The following LPCAT1 variants were observed in gnomAD, a reference collection of about 807,000 sequenced individuals.
LPCAT1 encodes 1-acylglycerol-3-phosphate O-acyltransferase.
LPCAT1 carries 23 observed loss-of-function variants against 60.9 expected under a neutral mutation model. That is an observed-to-expected ratio of 0.38 (90% CI 0.27 to 0.53). The LOEUF is 0.53. Among genes scored for constraint, LPCAT1 ranks in the 20% least tolerant of loss-of-function variants. LPCAT1 has a pLI of 0.82. For missense variants in LPCAT1, 622 were observed against 723.6 expected (o/e 0.86, Z 1.61); for synonymous variants, 340 against 301.1 (o/e 1.13, Z -1.34).
rs1735140740 is a variant in LPCAT1 at position 1,481,487 on chromosome 5, C to T, written c.727-511G>A. On this transcript the variant is annotated intron_variant, in intron 6 of 13. Coordinates refer to ENST00000283415, the MANE Select transcript of LPCAT1 (RefSeq NM_024830.5). The surrounding 1 kb of genome is among the most constrained non-coding windows in gnomAD (Gnocchi z 7.8). ...CCCGGGTGCTCTGAAGTCCCATCTT[C>T]AGCCTCAGTGCCGCCGGGCAGGGAC... Among the ~76,000 whole-genome samples the T allele has an allele frequency of 6.6e-6, 1 of 152,282 alleles. No individual in the cohort carries two copies.
Position 1,477,307 on chromosome 5 carries a change from C to T in LPCAT1, c.899+97G>A. On this transcript the variant is annotated intron_variant, in intron 9 of 13. Transcript: ENST00000283415. This position sits in a 1 kb window ranked among gnomAD's most constrained non-coding sequence, Gnocchi z 6.0. The stretch of plus-strand genomic sequence containing the variant: ...TGGTTCCCGCACTTCTGCAAGAATG[C>T]CTTTTCCTAACGCTGTTGCCTATTT... 2.0e-6 allele frequency: 2 copies of T among 1,001,630 alleles called. No homozygotes were observed. The highest frequency in any genetic ancestry group is 2.4e-5 in the East Asian group (1 of 41,508). 62.0% of individuals were successfully genotyped at this position (1,001,630 alleles called of 1,614,324 possible).
In LPCAT1 at chr5:1,492,962, G is replaced by C. The variant is rs192368833; in HGVS notation, c.493+1738C>G. Reference sequence around the variant, plus strand: ...ACGACCATGGGCCTTTGCCACAGTGGGGGGGCAAATGTGGTTTCCTGGGTA... The same window carrying C: ...ACGACCATGGGCCTTTGCCACAGTGCGGGGGCAAATGTGGTTTCCTGGGTA... On this transcript the variant is annotated intron_variant, in intron 3 of 13. Transcript: ENST00000283415. 1.1e-4 allele frequency among the ~76,000 whole-genome samples: 17 copies of C among 152,356 alleles called. No homozygotes were observed. The East Asian group carries it at 1.7e-3, about 16-fold the overall frequency.
intron 3 of LPCAT1, 52 bp from the exon 4 acceptor site, chr5:1,489,910 G>T: frequency 7.6e-7 from 1 of 1,321,876 alleles, no homozygotes; most frequent in African/African-American, 1.4e-5. Flanking sequence ...CTCCCGCCAG[G>T]CAGGGCTGAG....
intron 12 of LPCAT1, among the ~76,000 whole-genome samples, chr5:1,468,113 C>T (rs1279333500): frequency 6.6e-6 from 1 of 152,188 alleles, no homozygotes; most frequent in African/African-American, 2.4e-5. Flanking sequence ...GCCTTCCGGC[C>T]TGGCAAGCTG....
At chr5:1,506,537 G>GC (rs968663755) in intron 1 of LPCAT1, among the ~76,000 whole-genome samples, 6 of 152,220 alleles carry the variant, frequency 3.9e-5, no homozygotes, top group African/African-American at 1.4e-4. Flanking sequence ...ATGGACTCTA[G>GC]CCCCCCAGGA....
intron 1 of LPCAT1, among the ~76,000 whole-genome samples, chr5:1,513,063 G>C (rs931089519): frequency 6.6e-6 from 1 of 152,206 alleles, no homozygotes; most frequent in East Asian, 1.9e-4. Context: ...CACGGAGGGA[G>C]GGCCCAGGCA....
chr5:1,468,893 G>A (rs1222378623), intron 12 of LPCAT1, among the ~76,000 whole-genome samples: 1 of 152,226 alleles, frequency 6.6e-6, no homozygotes, highest in Non-Finnish European at 1.5e-5. Context: ...ACACGAGACT[G>A]CTCCGTGGAA....
Position 1,483,339 on chromosome 5 carries a change from GAC to G in LPCAT1, c.726+87_726+88del, listed in dbSNP as rs1735235073. On this transcript the variant is annotated intron_variant, in intron 6 of 13. Transcript: ENST00000283415. The surrounding 1 kb of genome is among the most constrained non-coding windows in gnomAD (Gnocchi z 9.2). ...GTGGCGCAGATAAAGGGTGTGGAGA[GAC>G]AGAGACACAGGTGCACAGAGGCAGC... 2.2e-6 allele frequency: 3 copies of G among 1,339,670 alleles called. No individual in the cohort carries two copies. The highest frequency in any genetic ancestry group is 4.6e-5 in the East Asian group (2 of 43,534). 83.0% of individuals were successfully genotyped at this position (1,339,670 alleles called of 1,614,324 possible). A position where few individuals can be genotyped will look rare whatever the true frequency, so the allele number is the denominator to read the frequency against.
chr5:1,469,121 C>A (rs551729671), intron 12 of LPCAT1, among the ~76,000 whole-genome samples: 1 of 152,296 alleles, frequency 6.6e-6, no homozygotes, highest in East Asian at 1.9e-4. Context: ...ACCCTGGTGT[C>A]GCCGTGGGGA....
At chr5:1,506,272 T>G (rs1736184283) in intron 1 of LPCAT1, among the ~76,000 whole-genome samples, 1 of 152,194 alleles carries the variant, frequency 6.6e-6, no homozygotes, top group African/African-American at 2.4e-5. Context: ...TCTCCACCGA[T>G]CTGCCTTCAC....
In LPCAT1 at chr5:1,502,286, C is replaced by A. The variant is rs1736045994; in HGVS notation, c.136-683G>T. 6.6e-6 allele frequency among the ~76,000 whole-genome samples: 1 copy of A among 152,184 alleles called. No individual in the cohort carries two copies. Among genetic ancestry groups the A allele is most frequent in the African/African-American group, 2.4e-5 (1 of 41,438 alleles). ...GCCCCCCAGGACACACCCCCAGCCC[C>A]GCAGGCCTCACTCAGCAGTTTCCCC... On this transcript the variant is annotated intron_variant, in intron 1 of 13. Coordinates refer to ENST00000283415, the MANE Select transcript of LPCAT1 (RefSeq NM_024830.5). This position sits in a 1 kb window ranked among gnomAD's most constrained non-coding sequence, Gnocchi z 5.5.
At chr5:1,503,177 C>G (rs1453911871) in intron 1 of LPCAT1, among the ~76,000 whole-genome samples, 1 of 152,278 alleles carries the variant, frequency 6.6e-6, no homozygotes, top group African/African-American at 2.4e-5. Context: ...GCCTCCCCTT[C>G]CCCGCTTCTG....
chr5:1,510,408 C>T (rs1348548822), intron 1 of LPCAT1, among the ~76,000 whole-genome samples: 2 of 152,264 alleles, frequency 1.3e-5, no homozygotes, highest in Non-Finnish European at 2.9e-5. Context: ...GGCACCATCA[C>T]CTACCCGAGG....
intron 12 of LPCAT1, among the ~76,000 whole-genome samples, chr5:1,469,199 G>A (rs1411185119): frequency 1.3e-5 from 2 of 152,162 alleles, no homozygotes; most frequent in Non-Finnish European, 2.9e-5. Context: ...GGTGGTCACT[G>A]TAGGGCAGCC....
chr5:1,515,835 C>G (rs112976792), intron 1 of LPCAT1, among the ~76,000 whole-genome samples: 8 of 152,170 alleles, frequency 5.3e-5, no homozygotes, highest in African/African-American at 1.9e-4. Flanking sequence ...CCAGGGAGCC[C>G]ACCAAGCACA....
chr5:1,479,202 C>T (rs1403568369), intron 8 of LPCAT1, among the ~76,000 whole-genome samples: 2 of 152,162 alleles, frequency 1.3e-5, no homozygotes, highest in Non-Finnish European at 2.9e-5. Context: ...TTGAGACCAG[C>T]CTAGGCAACA....
At chr5:1,474,488 C>T in intron 10 of LPCAT1, 72 bp downstream of exon 10, 2 of 1,569,898 alleles carry the variant, frequency 1.3e-6, no homozygotes, top group Non-Finnish European at 1.7e-6. Flanking sequence ...CCTGCAACCC[C>T]AGGCAGCCCC....
chr5:1,488,534 A>AT, intron 4 of LPCAT1, 83 bp from the exon 5 acceptor site: 2 of 950,128 alleles, frequency 2.1e-6, no homozygotes, highest in Non-Finnish European at 3.2e-6. Context: ...TCTTCACAAT[A>AT]TATTTTCTTT....
At chr5:1,499,251 C>T (rs56358047) in intron 2 of LPCAT1, among the ~76,000 whole-genome samples, 25,591 of 152,214 alleles carry the variant, frequency 0.17, 2,289 homozygotes, top group East Asian at 0.24. Context: ...AGCCTGTGCT[C>T]GCACGGGGCT....
Sources: gnomAD v4.1 joint callset for allele counts (sites outside exome capture counted in the v4.1 genomes callset) on GRCh38, gnomAD v4.1.1 for gene constraint, Gnocchi (gnomAD v3.1) non-coding constraint, MANE v1.5 for transcripts, NCBI Gene and HGNC (gene_info 2026-07-23, HGNC 2026-07-21) for gene names.